LRRC69: variants seen among roughly 807,000 people sequenced by gnomAD.
LRRC69 encodes the protein leucine-rich repeat-containing protein 69.
LRRC69 carries 42 observed loss-of-function variants against 37.8 expected under a neutral mutation model. The ratio of observed to expected loss-of-function variants is 1.11; its 90% CI spans 0.87 to 1.44. The LOEUF (loss-of-function observed/expected upper bound fraction) is 1.44. Among genes scored for constraint, LRRC69 ranks in the 40% most tolerant of loss-of-function variants. The pLI is 0.00. For missense variants in LRRC69, 357 were observed against 401.9 expected, an observed-to-expected ratio of 0.89 and a Z score of 0.96; for synonymous variants, 141 against 143.1, an observed-to-expected ratio of 0.99 and a Z score of 0.11.
chr8:91,191,045 C>CG (rs199985719), intron 6 of LRRC69, among the ~76,000 whole-genome samples: 95 of 141,084 alleles, frequency 6.7e-4, no homozygotes, highest in African/African-American at 2.3e-3. Context: ...TCTCAAACCC[C>CG]CCCCCCCCCA....
At chr8:91,198,711 C>T (rs1011094010) in intron 6 of LRRC69, among the ~76,000 whole-genome samples, 2 of 151,722 alleles carry the variant, frequency 1.3e-5, no homozygotes, top group Non-Finnish European at 2.9e-5. Context: ...TTTTATAGAC[C>T]ACTTTGGTCT....
At chr8:91,194,935 T>G (rs550593799) in intron 6 of LRRC69, among the ~76,000 whole-genome samples, 47 of 152,286 alleles carry the variant, frequency 3.1e-4, no homozygotes, top group East Asian at 9.7e-4. Context: ...ATTGTGATGT[T>G]AGGGTGTCAA....
At chr8:91,148,796 C>T (rs1291744367) in intron 5 of LRRC69, among the ~76,000 whole-genome samples, 2 of 151,956 alleles carry the variant, frequency 1.3e-5, no homozygotes, top group African/African-American at 4.8e-5. Flanking sequence ...GAGATGTTAT[C>T]TCATTGTGGT....
chr8:91,136,428 A>G (rs1213576975), intron 5 of LRRC69, among the ~76,000 whole-genome samples: 1 of 151,996 alleles, frequency 6.6e-6, no homozygotes, highest in Admixed American at 6.6e-5. Flanking sequence ...TTTTATACTG[A>G]AGGTAATTCA....
At chr8:91,188,113 G>A (rs950970112) in intron 5 of LRRC69, among the ~76,000 whole-genome samples, 49 of 152,170 alleles carry the variant, frequency 3.2e-4, no homozygotes, top group African/African-American at 1.1e-3. Context: ...CCATGAGATT[G>A]TTAACATAGG....
At chr8:91,196,388 G>T (rs900924958) in intron 6 of LRRC69, among the ~76,000 whole-genome samples, 15 of 151,620 alleles carry the variant, frequency 9.9e-5, no homozygotes, top group African/African-American at 3.6e-4. Context: ...CTGAACGTTG[G>T]CCTGCCTTGC....
At chr8:91,107,117 A>G (rs1200978504) in intron 1 of LRRC69, among the ~76,000 whole-genome samples, 1 of 149,364 alleles carries the variant, frequency 6.7e-6, no homozygotes, top group African/African-American at 2.5e-5. Flanking sequence ...TGATTCTTGT[A>G]TTATTATTAT....
intron 5 of LRRC69, among the ~76,000 whole-genome samples, chr8:91,184,297 A>C (rs968301283): frequency 2.6e-5 from 4 of 152,096 alleles, no homozygotes; most frequent in African/African-American, 9.7e-5. Flanking sequence ...CCCACCCCGA[A>C]TTTAAATAAT....
rs767266129 is a variant in LRRC69 at position 91,162,124 on chromosome 8, T to C, written c.651+26385T>C. ...TCCATTGTGATCTGAAAGATACTTA[T>C]GATTTTGATTTTTAAAAATTTGTTG... is the stretch of plus-strand genomic sequence containing the variant. On this transcript the variant is annotated intron_variant, in intron 5 of 7. Coordinates refer to ENST00000448384, the Ensembl canonical transcript of LRRC69. Among the ~76,000 whole-genome samples the C allele has an allele frequency of 4.8e-4, 72 of 151,428 alleles. 1 individual carries two copies. Among genetic ancestry groups the C allele is most frequent in the African/African-American group, 1.5e-3 (60 of 41,378 alleles).
chr8:91,175,278 C>G (rs1330680971), intron 5 of LRRC69, among the ~76,000 whole-genome samples: 1 of 152,014 alleles, frequency 6.6e-6, no homozygotes, highest in African/African-American at 2.4e-5. Flanking sequence ...CTGGAATCCT[C>G]AGCTGCATGA....
chr8:91,165,424 C>T (rs905637429), intron 5 of LRRC69, among the ~76,000 whole-genome samples: 11 of 151,716 alleles, frequency 7.3e-5, no homozygotes, highest in African/African-American at 2.2e-4. Context: ...AAAAGCTGAT[C>T]GTGTCACTGT....
At chr8:91,213,251 T>C (rs1809968655) in intron 7 of LRRC69, among the ~76,000 whole-genome samples, 1 of 152,154 alleles carries the variant, frequency 6.6e-6, no homozygotes, top group African/African-American at 2.4e-5. Flanking sequence ...TCTGTTCTTA[T>C]CACAGTCCAA....
At chr8:91,106,978 T>G (rs1291664664) in intron 1 of LRRC69, among the ~76,000 whole-genome samples, 1 of 151,586 alleles carries the variant, frequency 6.6e-6, no homozygotes, top group Non-Finnish European at 1.5e-5. Flanking sequence ...ATTTTTTTTT[T>G]TTGTTTGGAG....
At chr8:91,120,795 C>T (rs544107724) in intron 1 of LRRC69, among the ~76,000 whole-genome samples, 12 of 152,028 alleles carry the variant, frequency 7.9e-5, no homozygotes, top group Non-Finnish European at 1.5e-4. Context: ...AGTTCCTCTG[C>T]TGGGCTTGCA....
intron 1 of LRRC69, among the ~76,000 whole-genome samples, chr8:91,107,428 C>T (rs768318318): frequency 4.1e-4 from 62 of 152,036 alleles, no homozygotes; most frequent in African/African-American, 1.2e-3. Flanking sequence ...TGAGCCACCA[C>T]GCCCGGCCCA....
intron 7 of LRRC69, among the ~76,000 whole-genome samples, chr8:91,213,009 A>G (rs758723097): frequency 6.6e-6 from 1 of 152,176 alleles, no homozygotes; most frequent in Non-Finnish European, 1.5e-5. Context: ...ATACAGTCAC[A>G]GTAGTATTCT....
chr8:91,180,046 G>A (rs527815861), intron 5 of LRRC69, among the ~76,000 whole-genome samples: 3 of 152,220 alleles, frequency 2.0e-5, no homozygotes, highest in African/African-American at 7.2e-5. Context: ...TATATTTATT[G>A]ATTTGCTTTA....
intron 5 of LRRC69, chr8:91,158,197 T>C (rs1749221928): frequency 1.2e-6 from 2 of 1,603,748 alleles, no homozygotes; most frequent in Admixed American, 3.4e-5. Context: ...CTGCTTGTAT[T>C]CCATGGGCTT....
intron 7 of LRRC69, 47 bp from the exon 8 acceptor site, chr8:91,218,843 A>C: frequency 8.5e-7 from 1 of 1,180,596 alleles, no homozygotes; most frequent in Non-Finnish European, 1.2e-6. Flanking sequence ...AATGAAAAAT[A>C]CTTATTGAAC....
Sources: gnomAD v4.1 joint callset for allele counts (sites outside exome capture counted in the v4.1 genomes callset) on GRCh38, gnomAD v4.1.1 for gene constraint, MANE v1.5 for transcripts, NCBI Gene and HGNC (gene_info 2026-07-23, HGNC 2026-07-21) for gene names.